Variants in RABEP1 observed in about 807,000 individuals in gnomAD.
The protein encoded by RABEP1 is rabaptin, RAB GTPase binding effector protein 1, also known as rab GTPase-binding effector protein 1.
Under a neutral mutation model 123.4 loss-of-function variants are expected in RABEP1, and 51 were observed. The ratio of observed to expected loss-of-function variants is 0.41; its 90% CI spans 0.33 to 0.52. The LOEUF is 0.52. Ranked by LOEUF, RABEP1 falls within the 20% of genes least tolerant of loss-of-function variation. RABEP1 has a pLI of 0.16. For missense variants in RABEP1, 888 were observed against 996.3 expected, an observed-to-expected ratio of 0.89 and a Z score of 1.46; for synonymous variants, 347 against 355.2, an observed-to-expected ratio of 0.98 and a Z score of 0.26.
chr17:5,320,475 C>T (rs1260661742), intron 2 of RABEP1, among the ~76,000 whole-genome samples: 1 of 127,772 alleles, frequency 7.8e-6, no homozygotes, highest in Admixed American at 7.9e-5. Context: ...AAATTAAGTA[C>T]ATGGACAGAG....
At chr17:5,310,951 A>G (rs1236258302) in intron 2 of RABEP1, among the ~76,000 whole-genome samples, 1 of 151,718 alleles carries the variant, frequency 6.6e-6, no homozygotes, top group Non-Finnish European at 1.5e-5. Flanking sequence ...CTGGGGCTAC[A>G]GGTGTGTGCC....
In RABEP1 at chr17:5,383,536, C is replaced by T; in HGVS notation, c.*313C>T. 1 of 365,020 alleles carries T rather than the reference C, an allele frequency of 2.7e-6. No individual in the cohort carries two copies. Among genetic ancestry groups the T allele is most frequent in the Admixed American group, 4.1e-5 (1 of 24,156 alleles). 22.6% of individuals were successfully genotyped at this position (365,020 alleles called of 1,614,324 possible). ...CTTTCTCCAAGACAGATTTTCGGAA[C>T]ACATTTCCCTACCCTAAAGCGACAT... On this transcript the variant is annotated 3_prime_UTR_variant, in exon 18 of 18. Coordinates refer to ENST00000537505, the MANE Select transcript of RABEP1 (RefSeq NM_004703.6).
rs148770036 is a variant in RABEP1 at position 5,318,015 on chromosome 17, C to T, written c.163+9193C>T. Among the ~76,000 whole-genome samples the T allele has an allele frequency of 6.6e-3, 1,007 of 152,298 alleles. 6 individuals are homozygous for T. The highest frequency in any genetic ancestry group is 0.011 in the Non-Finnish European group (737 of 68,030). ...CGTAGAAGCTCCATGCTCCTTCCCA[C>T]GTGCCTTGTCCTGTGCACCTTTTTC... is the stretch of plus-strand genomic sequence containing the variant. On this transcript the variant is annotated intron_variant, in intron 2 of 17. Coordinates refer to ENST00000537505, the MANE Select transcript of RABEP1 (RefSeq NM_004703.6).
In RABEP1 at chr17:5,374,624, T is replaced by A. The variant is rs139804277; in HGVS notation, c.2025+1170T>A. Among the ~76,000 whole-genome samples, 1,200 of 149,466 alleles carry A rather than the reference T, an allele frequency of 8.0e-3. 36 individuals are homozygous for A. The highest frequency in any genetic ancestry group is 0.029 in the African/African-American group (1,141 of 39,408). ...GCTAATTTGTTTCTGTATTTTTATT[T>A]TTTTTATTATTTTTTATTTTATTTT... On this transcript the variant is annotated intron_variant, in intron 13 of 17. Transcript: ENST00000537505.
intron 13 of RABEP1, among the ~76,000 whole-genome samples, chr17:5,374,790 C>T (rs1483603449): frequency 6.6e-6 from 1 of 152,174 alleles, no homozygotes; most frequent in East Asian, 1.9e-4. Flanking sequence ...AGGCGCGTGC[C>T]ACTGTGCCTG....
At chr17:5,358,717 T>C (rs1437483094) in intron 8 of RABEP1, among the ~76,000 whole-genome samples, 1 of 152,116 alleles carries the variant, frequency 6.6e-6, no homozygotes, top group Non-Finnish European at 1.5e-5. Flanking sequence ...TAAACATTTT[T>C]AAGATATTAT....
At chr17:5,354,033 TTC>T (rs1908793348) in intron 7 of RABEP1, among the ~76,000 whole-genome samples, 1 of 152,188 alleles carries the variant, frequency 6.6e-6, no homozygotes, top group African/African-American at 2.4e-5. Flanking sequence ...ACAAGGAATG[TTC>T]TGTGTAAATT....
intron 6 of RABEP1, among the ~76,000 whole-genome samples, chr17:5,348,879 A>G (rs1281215005): frequency 1.3e-5 from 2 of 152,122 alleles, no homozygotes; most frequent in Admixed American, 1.3e-4. Flanking sequence ...CTTAAATAAT[A>G]GTTTTATTAA....
At chr17:5,379,996 C>T (rs895674687) in intron 15 of RABEP1, among the ~76,000 whole-genome samples, 2 of 152,180 alleles carry the variant, frequency 1.3e-5, no homozygotes, top group African/African-American at 4.8e-5. Flanking sequence ...AGTATCTCTC[C>T]ATCTTCTCCC....
intron 13 of RABEP1, among the ~76,000 whole-genome samples, chr17:5,376,317 G>C (rs1567553986): frequency 6.6e-6 from 1 of 152,146 alleles, no homozygotes; most frequent in Non-Finnish European, 1.5e-5. Flanking sequence ...GACAGAGGAA[G>C]ATCCTGTCTC....
rs140941108 is a variant in RABEP1 at position 5,385,287 on chromosome 17, GC to G, written c.*2065del. The G allele has an allele frequency of 5.7e-3, 1,305 of 230,842 alleles. 6 individuals carry two copies. The highest frequency in any genetic ancestry group is 7.9e-3 in the Non-Finnish European group (922 of 116,616). 14.3% of individuals were successfully genotyped at this position (230,842 alleles called of 1,614,324 possible). ...GCATAAATGGGAACTGATGTAGAAG[GC>G]AGGATTTAGCCCTTCTAGGCAAAAG... On this transcript the variant is annotated 3_prime_UTR_variant, in exon 18 of 18. Transcript: ENST00000537505.
At chr17:5,337,967 T>C in intron 4 of RABEP1, 52 bp from the exon 5 acceptor site, 1 of 1,545,846 alleles carries the variant, frequency 6.5e-7, no homozygotes, top group East Asian at 2.3e-5. Flanking sequence ...TAGAGTTTCT[T>C]AGAAAAGCAG....
In RABEP1 at chr17:5,375,663, G is replaced by A. The variant is rs538478714; in HGVS notation, c.2026-1453G>A. Among the ~76,000 whole-genome samples, 138 of 151,836 alleles carry A rather than the reference G, an allele frequency of 9.1e-4. 1 individual carries two copies. Among genetic ancestry groups the A allele is most frequent in the East Asian group, 1.7e-3 (9 of 5,170 alleles). ...CAAAGCTGCAGTGAGCTGAGATCGC[G>A]CCACTGCCCTCCAGCCTGGGAGACA... On this transcript the variant is annotated intron_variant, in intron 13 of 17. Coordinates refer to ENST00000537505, the MANE Select transcript of RABEP1 (RefSeq NM_004703.6).
intron 16 of RABEP1, chr17:5,380,677 CT>C (rs1911380131): frequency 1.8e-6 from 1 of 555,052 alleles, no homozygotes; most frequent in Non-Finnish European, 3.3e-6. Context: ...GCGTCATAGG[CT>C]AGCTTCAGAT....
At chr17:5,308,047 TA>T (rs2075196801) in intron 1 of RABEP1, among the ~76,000 whole-genome samples, 1 of 152,186 alleles carries the variant, frequency 6.6e-6, no homozygotes, top group African/African-American at 2.4e-5. Flanking sequence ...ATTTGTGGGA[TA>T]AGTAGTTCAA....
At chr17:5,344,051 G>C (rs1014130211) in intron 5 of RABEP1, among the ~76,000 whole-genome samples, 1 of 152,122 alleles carries the variant, frequency 6.6e-6, no homozygotes, top group Non-Finnish European at 1.5e-5. Flanking sequence ...ATAATATAAA[G>C]TTCTTTGTTA....
intron 1 of RABEP1, among the ~76,000 whole-genome samples, chr17:5,287,079 T>A (rs1167982618): frequency 2.0e-5 from 3 of 152,152 alleles, no homozygotes; most frequent in Non-Finnish European, 4.4e-5. Context: ...CTGGCTGGAA[T>A]GATGTTACGG....
intron 1 of RABEP1, among the ~76,000 whole-genome samples, chr17:5,307,385 T>C (rs1179230578): frequency 6.6e-6 from 1 of 152,236 alleles, no homozygotes; most frequent in Non-Finnish European, 1.5e-5. Context: ...GGTACATTTT[T>C]TCCAGTCTTT....
chr17:5,369,770 G>A (rs188281546), intron 12 of RABEP1, among the ~76,000 whole-genome samples: 4 of 151,332 alleles, frequency 2.6e-5, no homozygotes, highest in African/African-American at 9.7e-5. Flanking sequence ...GCGCAATCTC[G>A]GCTCACTGCA....
Sources: gnomAD v4.1 joint callset for allele counts (sites outside exome capture counted in the v4.1 genomes callset) on GRCh38, gnomAD v4.1.1 for gene constraint, MANE v1.5 for transcripts, NCBI Gene and HGNC (gene_info 2026-07-23, HGNC 2026-07-21) for gene names.